The following PBX3 variants were observed in gnomAD, a reference collection of about 807,000 sequenced individuals.
The protein encoded by PBX3 is pre-B-cell leukemia transcription factor 3.
In PBX3, 14 loss-of-function variants were observed where a neutral mutation model predicts 48.5. The ratio of observed to expected loss-of-function variants is 0.29; its 90% CI spans 0.19 to 0.45. PBX3 has a LOEUF of 0.45. Among genes scored for constraint, PBX3 ranks in the 20% least tolerant of loss-of-function variants. The pLI, the probability that PBX3 is intolerant of heterozygous loss-of-function variation, is 1.00. For missense variants in PBX3, 386 were observed against 546.7 expected, an observed-to-expected ratio of 0.71 and a Z score of 2.93; for synonymous variants, 210 against 200.3, an observed-to-expected ratio of 1.05 and a Z score of -0.41.
At chr9:125,763,325 G>T (rs1836719548) in intron 2 of PBX3, among the ~76,000 whole-genome samples, 1 of 152,212 alleles carries the variant, frequency 6.6e-6, no homozygotes, top group Admixed American at 6.5e-5. Context: ...GTGTGAGGTT[G>T]TGTTGGGCAT....
intron 5 of PBX3, among the ~76,000 whole-genome samples, chr9:125,948,982 G>A (rs1842130069): frequency 1.3e-5 from 2 of 152,128 alleles, no homozygotes; most frequent in Middle Eastern, 3.2e-3. Flanking sequence ...GCCCTGGCTG[G>A]TCTTAAACTC....
At chr9:125,913,251 T>C (rs975516030) in intron 2 of PBX3, among the ~76,000 whole-genome samples, 1 of 151,954 alleles carries the variant, frequency 6.6e-6, no homozygotes, top group Non-Finnish European at 1.5e-5. Context: ...TGCACATAAT[T>C]TATAAAGTAA....
At chr9:125,892,475 C>T (rs1840671201) in intron 2 of PBX3, among the ~76,000 whole-genome samples, 1 of 151,942 alleles carries the variant, frequency 6.6e-6, no homozygotes, top group Admixed American at 6.6e-5. Flanking sequence ...AAATCATATT[C>T]TTACATGGTA....
chr9:125,780,969 G>C (rs1291319878), intron 2 of PBX3, among the ~76,000 whole-genome samples: 1 of 112,192 alleles, frequency 8.9e-6, no homozygotes, highest in Non-Finnish European at 1.8e-5. Context: ...GGTTGCGGCC[G>C]GGCAGAGGCG....
intron 2 of PBX3, among the ~76,000 whole-genome samples, chr9:125,781,558 GGAGAGGC>G (rs1174105022): frequency 2.8e-4 from 37 of 130,598 alleles, no homozygotes; most frequent in African/African-American, 9.8e-4. Flanking sequence ...AGGGGAGAGG[GGAGAGGC>G]GAGAGGGGAG....
rs568930935 is a variant in PBX3 at position 125,890,828 on chromosome 9, C to G, written c.275-24858C>G. ...GATTTGAAAAGATTAAAAAAAGAAG[C>G]CTTGCCCCTTTTTAGATTAACAAAA... On this transcript the variant is annotated intron_variant, in intron 2 of 8. Transcript: ENST00000373489. Among the ~76,000 whole-genome samples the G allele has an allele frequency of 3.7e-4, 57 of 152,282 alleles. 1 individual carries two copies. Among genetic ancestry groups the G allele is most frequent in the African/African-American group, 1.3e-3 (53 of 41,546 alleles).
At chr9:125,853,253 C>T (rs1192192047) in intron 2 of PBX3, among the ~76,000 whole-genome samples, 2 of 152,176 alleles carry the variant, frequency 1.3e-5, no homozygotes, top group African/African-American at 4.8e-5. Flanking sequence ...TAAGGTCTCA[C>T]TGATTTACCT....
intron 2 of PBX3, among the ~76,000 whole-genome samples, chr9:125,908,413 A>G (rs1394606128): frequency 1.3e-5 from 2 of 152,040 alleles, no homozygotes; most frequent in Non-Finnish European, 2.9e-5. Context: ...AAGGCAAGGG[A>G]GCAGAATGTG....
At chr9:125,811,969 C>A (rs1334620123) in intron 2 of PBX3, among the ~76,000 whole-genome samples, 1 of 152,134 alleles carries the variant, frequency 6.6e-6, no homozygotes, top group Non-Finnish European at 1.5e-5. Flanking sequence ...ATGAGGGCTT[C>A]ACCCTCATGA....
chr9:125,786,987 AGTGCTGGGATTACAGGCATGAGCCACT>A (rs1385813940), intron 2 of PBX3, among the ~76,000 whole-genome samples: 1 of 151,946 alleles, frequency 6.6e-6, no homozygotes, highest in Non-Finnish European at 1.5e-5. Flanking sequence ...GGCCTCGCAA[AGTGCTGGGATTACAGGCATGAGCCACT>A]GTGTCTAGCC....
At chr9:125,889,304 G>A (rs1399162725) in intron 2 of PBX3, among the ~76,000 whole-genome samples, 7 of 152,254 alleles carry the variant, frequency 4.6e-5, no homozygotes, top group Non-Finnish European at 8.8e-5. Context: ...CACGTGGGGA[G>A]CAGGGGCGCT....
At chr9:125,871,696 A>G (rs1453964344) in intron 2 of PBX3, among the ~76,000 whole-genome samples, 2 of 152,238 alleles carry the variant, frequency 1.3e-5, no homozygotes, top group African/African-American at 2.4e-5. Flanking sequence ...ATAGGTTACA[A>G]TGATAATATT....
At chr9:125,958,867 A>G (rs1842365635) in intron 5 of PBX3, among the ~76,000 whole-genome samples, 1 of 152,248 alleles carries the variant, frequency 6.6e-6, no homozygotes, top group Non-Finnish European at 1.5e-5. Context: ...TGAGTCCTGG[A>G]GAAAACTCAC....
intron 2 of PBX3, among the ~76,000 whole-genome samples, chr9:125,874,163 G>A (rs1246393599): frequency 3.3e-5 from 5 of 152,090 alleles, no homozygotes; most frequent in African/African-American, 1.2e-4. Flanking sequence ...TACAGAAAAT[G>A]TTCGTAATCT....
At chr9:125,821,092 C>T (rs371468403) in intron 2 of PBX3, among the ~76,000 whole-genome samples, 4 of 152,104 alleles carry the variant, frequency 2.6e-5, no homozygotes, top group East Asian at 3.9e-4. Context: ...TCTCAAGCTG[C>T]GTTTGCCTTT....
chr9:125,793,366 A>AAAAAAATATATATATAT (rs59271982), intron 2 of PBX3, among the ~76,000 whole-genome samples: 2 of 101,974 alleles, frequency 2.0e-5, no homozygotes, highest in African/African-American at 8.5e-5. Flanking sequence ...GGAAAAAAAA[A>AAAAAAATATATATATAT]ATATATATAT....
intron 2 of PBX3, among the ~76,000 whole-genome samples, chr9:125,790,366 C>T (rs1414157628): frequency 6.6e-6 from 1 of 151,648 alleles, no homozygotes; most frequent in East Asian, 1.9e-4. Context: ...GATTCTCGTG[C>T]TTCAGCCTCC....
At chr9:125,764,570 C>T (rs113641303) in intron 2 of PBX3, among the ~76,000 whole-genome samples, 3 of 152,228 alleles carry the variant, frequency 2.0e-5, no homozygotes, top group East Asian at 1.9e-4. Context: ...AAGAGTTTAT[C>T]GCCTTTTGGG....
At chr9:125,945,355 G>A (rs938022050) in intron 5 of PBX3, among the ~76,000 whole-genome samples, 7 of 152,104 alleles carry the variant, frequency 4.6e-5, no homozygotes, top group Non-Finnish European at 7.3e-5. Context: ...TTATTGTTAC[G>A]CAGTTTCTCC....
Sources: allele counts gnomAD v4.1 joint callset (sites outside exome capture counted in the v4.1 genomes callset), GRCh38; gene constraint gnomAD v4.1.1; transcripts MANE v1.5; gene names NCBI Gene and HGNC (gene_info 2026-07-23, HGNC 2026-07-21).